Variants in SLC8A1 observed in about 807,000 individuals in gnomAD.
SLC8A1 encodes solute carrier family 8 member A1.
In SLC8A1, 18 loss-of-function variants were observed where a neutral mutation model predicts 68.3. The ratio of observed to expected loss-of-function variants is 0.26; its 90% CI spans 0.18 to 0.39. The LOEUF (loss-of-function observed/expected upper bound fraction) is 0.39. Ranked by LOEUF, SLC8A1 falls within the 10% of genes least tolerant of loss-of-function variation. The pLI is 1.00. For missense variants in SLC8A1, 985 were observed against 1,156.7 expected (o/e 0.85, Z 2.15); for synonymous variants, 475 against 415.5 (o/e 1.14, Z -1.74).
intron 1 of SLC8A1, among the ~76,000 whole-genome samples, chr2:40,466,570 T>C (rs111584299): frequency 6.6e-6 from 1 of 152,192 alleles, no homozygotes; most frequent in Non-Finnish European, 1.5e-5. Context: ...CTTGCTTCCC[T>C]TGCAAACTGA....
At chr2:40,395,953 C>T (rs948808008) in intron 2 of SLC8A1, among the ~76,000 whole-genome samples, 22 of 152,076 alleles carry the variant, frequency 1.4e-4, no homozygotes, top group African/African-American at 5.1e-4. Flanking sequence ...ACTGTTCATA[C>T]TGTTCTGTAA....
chr2:40,373,523 G>A (rs761288891), intron 2 of SLC8A1, among the ~76,000 whole-genome samples: 44 of 152,054 alleles, frequency 2.9e-4, no homozygotes, highest in Non-Finnish European at 4.9e-4. Flanking sequence ...GGGACTAAGA[G>A]CTCTTGAGTA....
chr2:40,404,260 A>C (rs952523971), intron 2 of SLC8A1, among the ~76,000 whole-genome samples: 1 of 152,188 alleles, frequency 6.6e-6, no homozygotes, highest in Non-Finnish European at 1.5e-5. Context: ...CTTTGTACAC[A>C]AATCTGACAA....
chr2:40,211,993 G>C (rs912589416), intron 2 of SLC8A1, among the ~76,000 whole-genome samples: 1 of 152,118 alleles, frequency 6.6e-6, no homozygotes, highest in Admixed American at 6.5e-5. Flanking sequence ...CAAATTTGAT[G>C]AACAAAATAT....
intron 7 of SLC8A1, among the ~76,000 whole-genome samples, chr2:40,132,012 G>A (rs752865062): frequency 1.3e-5 from 2 of 151,694 alleles, no homozygotes; most frequent in African/African-American, 2.4e-5. Context: ...TTGAAAGCAT[G>A]GACTCCATTA....
rs1329743831 is a variant in SLC8A1, at chr2:40,154,302, T to G, written c.2161+6463A>C. 9.2e-3 allele frequency among the ~76,000 whole-genome samples: 674 copies of G among 73,186 alleles called. 2 individuals carry two copies. Among genetic ancestry groups the G allele is most frequent in the Non-Finnish European group, 0.011 (418 of 36,710 alleles). The allele number at this position is 73,186 out of a possible 152,430, so 48.0% of individuals were successfully genotyped here. ...TTTTAATTTATTTTTATTTATTCTTTTTTTTTTTTTTTTTTTTTTGAGACG... is the reference window on the plus strand; with the variant it reads ...TTTTAATTTATTTTTATTTATTCTTGTTTTTTTTTTTTTTTTTTTGAGACG... On this transcript the variant is annotated intron_variant, in intron 6 of 7. Transcript: ENST00000406785.
chr2:40,197,112 T>C (rs1234235917), intron 2 of SLC8A1, among the ~76,000 whole-genome samples: 1 of 152,064 alleles, frequency 6.6e-6, no homozygotes, highest in Non-Finnish European at 1.5e-5. Context: ...TACTTGTTAC[T>C]GTAGAATTGG....
chr2:40,325,777 CAAA>C (rs3059526), intron 2 of SLC8A1, among the ~76,000 whole-genome samples: 9,007 of 44,668 alleles, frequency 0.2, 222 homozygotes, highest in East Asian at 0.34. Flanking sequence ...ACTAAAAATA[CAAA>C]AAAAAAAAAA....
At chr2:40,150,295 G>A (rs1291666968) in intron 6 of SLC8A1, among the ~76,000 whole-genome samples, 2 of 152,332 alleles carry the variant, frequency 1.3e-5, no homozygotes, top group Non-Finnish European at 2.9e-5. Context: ...AGAGCAGGCT[G>A]TGAACAGCAA....
At chr2:40,442,387 C>A (rs1375354442) in intron 1 of SLC8A1, among the ~76,000 whole-genome samples, 1 of 132,442 alleles carries the variant, frequency 7.6e-6, no homozygotes, top group Non-Finnish European at 1.6e-5. Context: ...CTACAAGGAA[C>A]TTAAATTTAC....
intron 2 of SLC8A1, among the ~76,000 whole-genome samples, chr2:40,331,696 C>T (rs998860834): frequency 1.1e-4 from 17 of 151,966 alleles, no homozygotes; most frequent in South Asian, 2.1e-4. Flanking sequence ...CGGGTTCAAG[C>T]GATTCTCCTG....
rs370223854 is a variant in SLC8A1, at chr2:40,462,001, CTTTTTTTT to C, written c.-24-31705_-24-31698del. 2.6e-4 allele frequency among the ~76,000 whole-genome samples: 17 copies of C among 66,156 alleles called. No homozygotes were observed. The South Asian group carries it at 6.1e-3, about 24-fold the overall frequency. 43.4% of individuals were successfully genotyped at this position (66,156 alleles called of 152,430 possible). ...CCTCTCATTTTAAAGTAAAATCCTC[CTTTTTTTT>C]TTTTTTTTTTTTTTTGAGGTGGAGT... On this transcript the variant is annotated intron_variant, in intron 1 of 7. Transcript: ENST00000402441.
At chr2:40,146,688 A>T (rs2042537196) in intron 6 of SLC8A1, among the ~76,000 whole-genome samples, 1 of 152,092 alleles carries the variant, frequency 6.6e-6, no homozygotes, top group Non-Finnish European at 1.5e-5. Flanking sequence ...TGCACAACCT[A>T]GATCCATCAC....
At chr2:40,194,563 A>C (rs746382963) in intron 2 of SLC8A1, among the ~76,000 whole-genome samples, 4 of 151,850 alleles carry the variant, frequency 2.6e-5, no homozygotes, top group Non-Finnish European at 5.9e-5. Context: ...ACAGAGATAG[A>C]ATAAAATGTC....
At chr2:40,121,851 T>C (rs1342086689) in intron 7 of SLC8A1, among the ~76,000 whole-genome samples, 3 of 152,188 alleles carry the variant, frequency 2.0e-5, no homozygotes, top group African/African-American at 7.2e-5. Flanking sequence ...CCTTTGCATT[T>C]AAAAGTGTGA....
At chr2:40,296,270 A>G (rs919371615) in intron 2 of SLC8A1, among the ~76,000 whole-genome samples, 4 of 152,198 alleles carry the variant, frequency 2.6e-5, no homozygotes, top group Non-Finnish European at 4.4e-5. Context: ...GGAGACCCCA[A>G]GAGGGAAATG....
chr2:40,354,172 C>A (rs1199449024), intron 2 of SLC8A1, among the ~76,000 whole-genome samples: 1 of 152,124 alleles, frequency 6.6e-6, no homozygotes, highest in Non-Finnish European at 1.5e-5. Flanking sequence ...TATATGAGTG[C>A]CTTTGTTTTC....
intron 6 of SLC8A1, among the ~76,000 whole-genome samples, chr2:40,157,350 G>A (rs1349847284): frequency 6.8e-6 from 1 of 146,174 alleles, no homozygotes; most frequent in East Asian, 2.2e-4. Flanking sequence ...CTGAGATCTT[G>A]AGGTGTAGTA....
intron 2 of SLC8A1, among the ~76,000 whole-genome samples, chr2:40,369,469 G>T (rs1031060330): frequency 6.6e-6 from 1 of 152,036 alleles, no homozygotes; most frequent in African/African-American, 2.4e-5. Flanking sequence ...TCCACTCTAA[G>T]AGAAAATGAA....
Sources: allele counts gnomAD v4.1 joint callset (sites outside exome capture counted in the v4.1 genomes callset), GRCh38; gene constraint gnomAD v4.1.1; transcripts MANE v1.5; gene names NCBI Gene and HGNC (gene_info 2026-07-23, HGNC 2026-07-21).